NMNAT2: variants seen among roughly 807,000 people sequenced by gnomAD.
NMNAT2 encodes the protein nicotinamide/nicotinic acid mononucleotide adenylyltransferase 2.
Under a neutral mutation model 41.6 loss-of-function variants are expected in NMNAT2, and 11 were observed. The ratio of observed to expected loss-of-function variants is 0.26; its 90% CI spans 0.17 to 0.44. NMNAT2 has a LOEUF of 0.44. Among genes scored for constraint, NMNAT2 ranks in the 20% least tolerant of loss-of-function variants. NMNAT2 has a pLI of 1.00. For missense variants in NMNAT2, 288 were observed against 407.7 expected, an observed-to-expected ratio of 0.71 and a Z score of 2.53; for synonymous variants, 148 against 151.2, an observed-to-expected ratio of 0.98 and a Z score of 0.16.
At chr1:183,378,090 A>C (rs890827739) in intron 1 of NMNAT2, among the ~76,000 whole-genome samples, 6 of 152,196 alleles carry the variant, frequency 3.9e-5, no homozygotes, top group Non-Finnish European at 8.8e-5. Context: ...ACATAAGTCA[A>C]TTTTAAAAAA....
chr1:183,267,679 C>T (rs932356768), intron 8 of NMNAT2, among the ~76,000 whole-genome samples: 5 of 152,064 alleles, frequency 3.3e-5, no homozygotes, highest in Non-Finnish European at 5.9e-5. Context: ...CTTCCTATGC[C>T]GCCTGCAGGA....
intron 1 of NMNAT2, among the ~76,000 whole-genome samples, chr1:183,372,469 T>C (rs1019669214): frequency 1.3e-5 from 2 of 151,972 alleles, no homozygotes; most frequent in Admixed American, 1.3e-4. Flanking sequence ...GAGTGAGACA[T>C]AACAAGCCTC....
chr1:183,323,465 C>T (rs1313690892), intron 1 of NMNAT2, among the ~76,000 whole-genome samples: 1 of 152,192 alleles, frequency 6.6e-6, no homozygotes, highest in African/African-American at 2.4e-5. Flanking sequence ...CTTGTTTGGG[C>T]AACCAAAGGG....
chr1:183,253,956 T>TAAG (rs1660457693), intron 10 of NMNAT2, among the ~76,000 whole-genome samples: 1 of 151,460 alleles, frequency 6.6e-6, no homozygotes, highest in Non-Finnish European at 1.5e-5. Flanking sequence ...TGTGTGTGTG[T>TAAG]AAGAACACAT....
chr1:183,333,188 G>T (rs1424038217), intron 1 of NMNAT2, among the ~76,000 whole-genome samples: 1 of 152,176 alleles, frequency 6.6e-6, no homozygotes, highest in Admixed American at 6.5e-5. Flanking sequence ...GCTGGTAAAA[G>T]TGTGGTCACT....
At chr1:183,403,541 C>T (rs1648876643) in intron 1 of NMNAT2, among the ~76,000 whole-genome samples, 1 of 151,968 alleles carries the variant, frequency 6.6e-6, no homozygotes, top group African/African-American at 2.4e-5. Flanking sequence ...TTCCTTCCAT[C>T]CACTTTGAGA....
Position 183,306,854 on chromosome 1 carries a change from T to C in NMNAT2, c.86-13061A>G, listed in dbSNP as rs1164486656. 5.9e-5 allele frequency among the ~76,000 whole-genome samples: 9 copies of C among 152,262 alleles called. No homozygotes were observed. The East Asian group carries it at 1.7e-3, about 29-fold the overall frequency. On this transcript the variant is annotated intron_variant, in intron 1 of 10. Coordinates refer to ENST00000287713, the MANE Select transcript of NMNAT2 (RefSeq NM_015039.4). The stretch of plus-strand genomic sequence containing the variant: ...CTTGGGTACCCAGCTAGTTACTCAA[T>C]TGCGCTGGCTGCCAACTCTCATCCC...
intron 1 of NMNAT2, among the ~76,000 whole-genome samples, chr1:183,395,316 G>A (rs1455179229): frequency 1.3e-5 from 2 of 151,650 alleles, no homozygotes; most frequent in Non-Finnish European, 2.9e-5. Flanking sequence ...TAAATCACTT[G>A]ATGTGCAGCC....
intron 1 of NMNAT2, among the ~76,000 whole-genome samples, chr1:183,345,929 G>A (rs1662919502): frequency 6.6e-6 from 1 of 152,054 alleles, no homozygotes; most frequent in South Asian, 2.1e-4. Context: ...CTCGTGATCT[G>A]CCTGCCTCGG....
intron 8 of NMNAT2, among the ~76,000 whole-genome samples, chr1:183,276,782 T>C (rs891118433): frequency 2.6e-5 from 4 of 152,248 alleles, no homozygotes; most frequent in Non-Finnish European, 4.4e-5. Context: ...TTTGCCCGCA[T>C]TACTTTTGAC....
chr1:183,369,258 CTTTTCTTT>C (rs1663478397), intron 1 of NMNAT2, among the ~76,000 whole-genome samples: 1 of 87,682 alleles, frequency 1.1e-5, no homozygotes, highest in Non-Finnish European at 2.4e-5. Context: ...TTTTTCTTTT[CTTTTCTTT>C]TTTTTTTTTT....
At chr1:183,264,640 G>A (rs1016291844) in intron 8 of NMNAT2, among the ~76,000 whole-genome samples, 2 of 152,174 alleles carry the variant, frequency 1.3e-5, no homozygotes, top group Non-Finnish European at 2.9e-5. Flanking sequence ...AATGAACTGC[G>A]CTGCTTAGAA....
intron 1 of NMNAT2, among the ~76,000 whole-genome samples, chr1:183,382,805 G>T (rs1056755763): frequency 2.0e-5 from 3 of 152,174 alleles, no homozygotes; most frequent in Non-Finnish European, 4.4e-5. Flanking sequence ...TGCCCCTTTA[G>T]CTCTGCAGGG....
rs1172035472 is a variant in NMNAT2 at position 183,302,412 on chromosome 1, A to G, written c.86-8619T>C. On this transcript the variant is annotated intron_variant, in intron 1 of 10. Transcript: ENST00000287713. Reference sequence around the variant, plus strand: ...AGTCTTCCTAGAACAGATTAGACCTAAGCTAGAATCCAACAGCAGAGAAGA... The same window carrying G: ...AGTCTTCCTAGAACAGATTAGACCTGAGCTAGAATCCAACAGCAGAGAAGA... 5.9e-5 allele frequency among the ~76,000 whole-genome samples: 9 copies of G among 152,200 alleles called. No individual in the cohort carries two copies. In the East Asian group the frequency reaches 1.3e-3, roughly 23 times the overall value.
At chr1:183,266,459 T>C (rs1660818176) in intron 8 of NMNAT2, 1 of 152,306 alleles carries the variant, frequency 6.6e-6, no homozygotes, top group Non-Finnish European at 1.5e-5. Context: ...TCACCAGAGT[T>C]GCACTTTCAC....
intron 1 of NMNAT2, among the ~76,000 whole-genome samples, chr1:183,390,504 T>C (rs1571634425): frequency 6.6e-6 from 1 of 152,228 alleles, no homozygotes; most frequent in Admixed American, 6.5e-5. Flanking sequence ...ATATACTTGT[T>C]GGCTGCTTGA....
Position 183,286,646 on chromosome 1 carries a change from A to G in NMNAT2, c.448+16T>C, listed in dbSNP as rs771731593. 1.9e-6 allele frequency: 3 copies of G among 1,597,106 alleles called. No homozygotes were observed. Among genetic ancestry groups the G allele is most frequent in the South Asian group, 1.1e-5 (1 of 87,794 alleles). On this transcript the variant is annotated intron_variant, in intron 5 of 10. Transcript: ENST00000287713. ...TGATTCTGAGGTCTGAGAATCACAC[A>G]TCAGTGTTCCCCTACCTGCAGTGGG...
At position 183,358,913 on chromosome 1, in the gene NMNAT2, C is replaced by T. The variant is rs191714311; in HGVS notation, c.85+59270G>A. ...CTCAGGCTAAGCTGTACAAATGATC[C>T]AAAGGTTGCAGCATCCTGATGATAC... On this transcript the variant is annotated intron_variant, in intron 1 of 10. Coordinates refer to ENST00000287713, the MANE Select transcript of NMNAT2 (RefSeq NM_015039.4). Among the ~76,000 whole-genome samples the T allele has an allele frequency of 3.9e-4, 59 of 152,258 alleles. 2 individuals carry two copies. In the East Asian group the frequency reaches 0.011, roughly 27 times the overall value.
rs1649129600 is a variant in NMNAT2 at position 183,411,955 on chromosome 1, G to A, written c.85+6228C>T. On this transcript the variant is annotated intron_variant, in intron 1 of 10. Coordinates refer to ENST00000287713, the MANE Select transcript of NMNAT2 (RefSeq NM_015039.4). Reference sequence around the variant, plus strand: ...GAGCGAATGAGACATGGGCTAGGTGGGGAAGGGCATTCCCAGCAAAGGGAA... The same window carrying A: ...GAGCGAATGAGACATGGGCTAGGTGAGGAAGGGCATTCCCAGCAAAGGGAA... Among the ~76,000 whole-genome samples the A allele has an allele frequency of 2.0e-5, 3 of 152,250 alleles. 1 individual carries two copies. The highest frequency in any genetic ancestry group is 7.2e-5 in the African/African-American group (3 of 41,542).
Sources: gnomAD v4.1 joint callset for allele counts (sites outside exome capture counted in the v4.1 genomes callset) on GRCh38, gnomAD v4.1.1 for gene constraint, MANE v1.5 for transcripts, NCBI Gene and HGNC (gene_info 2026-07-23, HGNC 2026-07-21) for gene names.